The following ATP8A2 variants were observed in gnomAD, a reference collection of about 807,000 sequenced individuals.
ATP8A2 encodes ATPase phospholipid transporting 8A2.
Under a neutral mutation model 165.6 loss-of-function variants are expected in ATP8A2, and 100 were observed. The observed-to-expected ratio is 0.60, with a 90% confidence interval of 0.51 to 0.71. The LOEUF is 0.71. ATP8A2 is among the 30% of genes least tolerant of loss of function. The pLI, the probability that ATP8A2 is intolerant of heterozygous loss-of-function variation, is 0.00. For missense variants in ATP8A2, 1,227 were observed against 1,479.5 expected, an observed-to-expected ratio of 0.83 and a Z score of 2.80; for synonymous variants, 543 against 548.8, an observed-to-expected ratio of 0.99 and a Z score of 0.15.
intron 25 of ATP8A2, among the ~76,000 whole-genome samples, chr13:25,720,899 C>T (rs1409142106): frequency 6.6e-6 from 1 of 151,510 alleles, no homozygotes; most frequent in African/African-American, 2.4e-5. Flanking sequence ...CAAGGCTGAA[C>T]GTAGTGCTGG....
chr13:25,418,062 A>G (rs183629371), intron 1 of ATP8A2, among the ~76,000 whole-genome samples: 3 of 152,272 alleles, frequency 2.0e-5, no homozygotes, highest in African/African-American at 7.2e-5. Context: ...TCCCCCTGTT[A>G]ACAGACTCTC....
intron 27 of ATP8A2, among the ~76,000 whole-genome samples, chr13:25,809,002 C>T (rs955675888): frequency 6.6e-6 from 1 of 152,194 alleles, no homozygotes; most frequent in African/African-American, 2.4e-5. Context: ...ATGAAGGACA[C>T]ATGCACTTTT....
intron 26 of ATP8A2, among the ~76,000 whole-genome samples, chr13:25,770,432 C>T (rs1305489467): frequency 2.6e-5 from 4 of 152,126 alleles, no homozygotes; most frequent in Non-Finnish European, 5.9e-5. Context: ...CTTTGACTCC[C>T]TATGATTTCT....
chr13:25,580,362 A>G (rs994997219), intron 22 of ATP8A2, among the ~76,000 whole-genome samples: 1 of 152,156 alleles, frequency 6.6e-6, no homozygotes, highest in Non-Finnish European at 1.5e-5. Flanking sequence ...TTGCTACTCC[A>G]CATTGCCTAC....
At chr13:25,849,286 A>G (rs1951950003) in intron 30 of ATP8A2, among the ~76,000 whole-genome samples, 1 of 152,154 alleles carries the variant, frequency 6.6e-6, no homozygotes, top group Non-Finnish European at 1.5e-5. Context: ...TATACATGTA[A>G]ATCCAGCCCA....
At chr13:25,961,070 A>G (rs1324912622) in intron 33 of ATP8A2, among the ~76,000 whole-genome samples, 7 of 152,208 alleles carry the variant, frequency 4.6e-5, no homozygotes, top group African/African-American at 9.7e-5. Flanking sequence ...AGAGTATTTA[A>G]TCTCCTGAAG....
intron 23 of ATP8A2, among the ~76,000 whole-genome samples, chr13:25,582,311 A>G (rs1366396450): frequency 6.6e-6 from 1 of 152,232 alleles, no homozygotes; most frequent in Non-Finnish European, 1.5e-5. Flanking sequence ...TTATGTAATT[A>G]TAACCATTTT....
intron 29 of ATP8A2, among the ~76,000 whole-genome samples, chr13:25,837,508 G>A (rs563494078): frequency 1.3e-5 from 2 of 151,456 alleles, no homozygotes; most frequent in African/African-American, 4.9e-5. Context: ...CTTCTCAGGT[G>A]ACGGGTCCAT....
chr13:25,462,094 G>A (rs1009951369), intron 1 of ATP8A2, among the ~76,000 whole-genome samples: 1 of 152,226 alleles, frequency 6.6e-6, no homozygotes, highest in Non-Finnish European at 1.5e-5. Context: ...AGTTTCTGCA[G>A]ATCTGGCTTC....
chr13:25,525,043 G>GT (rs2037798695), intron 2 of ATP8A2, among the ~76,000 whole-genome samples: 1 of 150,912 alleles, frequency 6.6e-6, no homozygotes. Flanking sequence ...TATTTTTGGT[G>GT]TATCTATTAT....
At chr13:25,431,481 T>C (rs988676653) in intron 1 of ATP8A2, among the ~76,000 whole-genome samples, 4 of 150,140 alleles carry the variant, frequency 2.7e-5, no homozygotes, top group African/African-American at 9.7e-5. Context: ...TGAATTCTAA[T>C]AGTAACTTTT....
intron 25 of ATP8A2, among the ~76,000 whole-genome samples, chr13:25,706,542 A>G (rs769522129): frequency 5.9e-5 from 9 of 152,204 alleles, no homozygotes; most frequent in Non-Finnish European, 1.3e-4. Context: ...CAGCCTGTGA[A>G]CTACACACAG....
In ATP8A2 at chr13:25,774,972, A is replaced by AT. The variant is rs750515889; in HGVS notation, c.2679+21dup. The AT allele has an allele frequency of 3.5e-5, 51 of 1,438,826 alleles. No individual in the cohort carries two copies. The highest frequency in any genetic ancestry group is 1.8e-4 in the Middle Eastern group (1 of 5,688). The allele number at this position is 1,438,826 out of a possible 1,614,324, so 89.1% of individuals were successfully genotyped here. A position where few individuals can be genotyped will look rare whatever the true frequency, so the allele number is the denominator to read the frequency against. On this transcript the variant is annotated intron_variant, in intron 27 of 36. Transcript: ENST00000381655. ...GTATATTATTGAGGTAAGAAGGGGTATTTTTTTTCCTTGAAGAGAAAGTTC... is the reference window on the plus strand; with the variant it reads ...GTATATTATTGAGGTAAGAAGGGGTATTTTTTTTTCCTTGAAGAGAAAGTTC...
chr13:25,453,799 GAA>G (rs1269680393), intron 1 of ATP8A2, among the ~76,000 whole-genome samples: 1 of 152,216 alleles, frequency 6.6e-6, no homozygotes, highest in African/African-American at 2.4e-5. Context: ...AGGAGGTTGG[GAA>G]AAGTTTGCCA....
rs558951422 is a variant in ATP8A2 at position 25,569,910 on chromosome 13, T to G, written c.1474-857T>G. Among the ~76,000 whole-genome samples, 3 of 152,280 alleles carry G rather than the reference T, an allele frequency of 2.0e-5. No homozygotes were observed. The South Asian group carries it at 6.2e-4, about 32-fold the overall frequency. ...GTCACTGAAATAATTTTTGAGCAAA[T>G]AAAATAATTAATAGACGTGCCAGGT... On this transcript the variant is annotated intron_variant, in intron 16 of 36. Transcript: ENST00000381655.
Position 25,577,077 on chromosome 13 carries a change from A to G in ATP8A2, c.1721A>G (p.Lys574Arg), listed in dbSNP as rs750796678. Reference protein sequence around the residue: ...LNVLEFSSDRKRMSVIVRTPS... With the variant: ...LNVLEFSSDRRRMSVIVRTPS... ...TTTTTTCACTCTCCCAGTGACAGAAAAAGAATGTCTGTAATTGTTCGAACT... is the reference window on the plus strand; with the variant it reads ...TTTTTTCACTCTCCCAGTGACAGAAGAAGAATGTCTGTAATTGTTCGAACT... The change falls in exon 20 of 37, where the codon AAA (lysine) becomes AGA (arginine). Residue 574 changes from lysine to arginine, a missense_variant. Physicochemically the swap from Lys to Arg is conservative, Grantham distance 26. Coordinates refer to ENST00000381655, the MANE Select transcript of ATP8A2 (RefSeq NM_016529.6). 3.7e-6 allele frequency: 6 copies of G among 1,613,990 alleles called. No individual in the cohort carries two copies. Among genetic ancestry groups the G allele is most frequent in the Non-Finnish European group, 5.1e-6 (6 of 1,179,876 alleles).
At chr13:25,869,862 G>A (rs968566319) in intron 33 of ATP8A2, among the ~76,000 whole-genome samples, 2 of 152,180 alleles carry the variant, frequency 1.3e-5, no homozygotes, top group African/African-American at 4.8e-5. Context: ...GTGTTACAGG[G>A]TACTCTTTCA....
In ATP8A2 at chr13:25,524,178, T is replaced by G. The variant is rs532441435; in HGVS notation, c.222-5821T>G. 7.2e-5 allele frequency among the ~76,000 whole-genome samples: 11 copies of G among 152,294 alleles called. No individual in the cohort carries two copies. In the South Asian group the frequency reaches 1.5e-3, roughly 20 times the overall value. On this transcript the variant is annotated intron_variant, in intron 2 of 36. Coordinates refer to ENST00000381655, the MANE Select transcript of ATP8A2 (RefSeq NM_016529.6). ...GGGTTTGTGTAGTTTCCAGGGTTCT[T>G]ATTGTTATTGATTTCTAGTTTATTT...
chr13:25,578,929 G>C, intron 21 of ATP8A2, 30 bp downstream of exon 21: 2 of 1,388,096 alleles, frequency 1.4e-6, no homozygotes, highest in Non-Finnish European at 2.1e-6. Context: ...GCTGTTTTTG[G>C]CCATTGGAGC....
Sources: allele counts gnomAD v4.1 joint callset (sites outside exome capture counted in the v4.1 genomes callset), GRCh38; gene constraint gnomAD v4.1.1; transcripts MANE v1.5; gene names NCBI Gene and HGNC (gene_info 2026-07-23, HGNC 2026-07-21).